XRCC6: variants seen among roughly 807,000 people sequenced by gnomAD.
The protein encoded by XRCC6 is X-ray repair cross complementing 6.
XRCC6 carries 5 observed loss-of-function variants against 65.7 expected under a neutral mutation model. The observed-to-expected ratio is 0.08, with a 90% CI of 0.04 to 0.16. The LOEUF is 0.16. XRCC6 is among the 10% of genes least tolerant of loss of function. The pLI is 1.00. For missense variants in XRCC6, 447 were observed against 738.1 expected (o/e 0.61, Z 4.57); for synonymous variants, 270 against 270.6 (o/e 1.00, Z 0.02).
At chr22:41,661,584 C>G in intron 12 of XRCC6, 140 bp downstream of exon 12, 1 of 689,868 alleles carries the variant, frequency 1.4e-6, no homozygotes, top group South Asian at 2.0e-5. Context: ...CAGACAATAA[C>G]AAATGCTGGC....
At chr22:41,631,206 T>C (rs1174132694) in intron 3 of XRCC6, among the ~76,000 whole-genome samples, 2 of 143,462 alleles carry the variant, frequency 1.4e-5, no homozygotes, top group Non-Finnish European at 3.1e-5. Context: ...CACTTCCCAG[T>C]AGGGGCGGCT....
Position 41,626,780 on chromosome 22 carries a change from GGT to G in XRCC6, c.83-1335_83-1334del, listed in dbSNP as rs1399535342. 2.6e-5 allele frequency among the ~76,000 whole-genome samples: 4 copies of G among 152,026 alleles called. No homozygotes were observed. In the East Asian group the frequency reaches 7.7e-4, roughly 29 times the overall value. ...AGCCTCCCGAGTAGCTGGGACTGCAGGTGTCCACCACCACGCCCAGCTAATTT... is the reference window on the plus strand; with the variant it reads ...AGCCTCCCGAGTAGCTGGGACTGCAGGTCCACCACCACGCCCAGCTAATTT... On this transcript the variant is annotated intron_variant, in intron 2 of 12. Coordinates refer to ENST00000360079, the MANE Select transcript of XRCC6 (RefSeq NM_001469.5).
intron 3 of XRCC6, among the ~76,000 whole-genome samples, chr22:41,631,423 C>G (rs928056349): frequency 6.7e-6 from 1 of 150,250 alleles, no homozygotes; most frequent in Admixed American, 6.6e-5. Context: ...GGGCGGTTGC[C>G]GGGTGGAGGG....
chr22:41,637,460 T>A (rs2067821682), intron 5 of XRCC6, 148 bp from the exon 6 acceptor site: 3 of 701,664 alleles, frequency 4.3e-6, no homozygotes, highest in Non-Finnish European at 6.9e-6. Flanking sequence ...GCAGTTGGTT[T>A]CCTTAGTCAC....
intron 3 of XRCC6, among the ~76,000 whole-genome samples, chr22:41,634,741 C>T (rs902673633): frequency 6.6e-6 from 1 of 151,386 alleles, no homozygotes; most frequent in African/African-American, 2.4e-5. Context: ...GTTGGGGTTT[C>T]ACCATGTTGG....
intron 12 of XRCC6, chr22:41,661,791 C>T (rs2068102320): frequency 5.5e-6 from 1 of 181,564 alleles, no homozygotes; most frequent in Non-Finnish European, 1.1e-5. Flanking sequence ...TATGTGCACT[C>T]CCATGTTTAT....
intron 5 of XRCC6, among the ~76,000 whole-genome samples, chr22:41,637,080 T>A (rs2067818053): frequency 1.3e-4 from 2 of 15,472 alleles, no homozygotes; most frequent in African/African-American, 4.7e-4. Context: ...TTGTCTTGAT[T>A]TTTTTTTTTT....
At chr22:41,656,769 TG>T in intron 9 of XRCC6, 133 bp from the exon 10 acceptor site, 3 of 1,105,204 alleles carry the variant, frequency 2.7e-6, no homozygotes, top group Non-Finnish European at 3.8e-6. Context: ...AACCAGCTGG[TG>T]GAGTTCAAGA....
intron 7 of XRCC6, among the ~76,000 whole-genome samples, chr22:41,649,126 CAAAA>C (rs1335320703): frequency 1.3e-4 from 12 of 90,230 alleles, no homozygotes; most frequent in Admixed American, 6.6e-4. Flanking sequence ...GAAGAGAGTA[CAAAA>C]AAAAAAAAAA....
intron 5 of XRCC6, 123 bp downstream of exon 5, chr22:41,636,893 A>C (rs1228124029): frequency 7.6e-7 from 1 of 1,322,312 alleles, no homozygotes; most frequent in African/African-American, 1.5e-5. Flanking sequence ...GACTATAAGC[A>C]TGTGCTGTTG....
rs58219922 is a variant in XRCC6 at position 41,655,721 on chromosome 22, T to TC, written c.1292-1175dup. ...CTCAAAAAAAAAAAAAATAGTTTTT[T>TC]CCCCCCCTTCTTTTTTTACATAAAT... On this transcript the variant is annotated intron_variant, in intron 9 of 12. Coordinates refer to ENST00000360079, the MANE Select transcript of XRCC6 (RefSeq NM_001469.5). Among the ~76,000 whole-genome samples, 16 of 147,802 alleles carry TC rather than the reference T, an allele frequency of 1.1e-4. 1 individual carries two copies. The highest frequency in any genetic ancestry group is 3.3e-4 in the African/African-American group (13 of 39,618).
chr22:41,636,382 G>T, intron 4 of XRCC6, 131 bp downstream of exon 4: 1 of 1,483,608 alleles, frequency 6.7e-7, no homozygotes, highest in Non-Finnish European at 9.0e-7. Flanking sequence ...AGGGGACCTT[G>T]CTCGATGTGG....
At position 41,630,489 on chromosome 22, in the gene XRCC6, CT is replaced by C. The variant is rs34290865; in HGVS notation, c.195+2274del. Among the ~76,000 whole-genome samples the C allele has an allele frequency of 4.2e-3, 591 of 141,724 alleles. 4 individuals are homozygous for C. The highest frequency in any genetic ancestry group is 8.4e-3 in the African/African-American group (323 of 38,262). The allele number at this position is 141,724 out of a possible 152,430, so 93.0% of individuals were successfully genotyped here. A position where few individuals can be genotyped will look rare whatever the true frequency, so the allele number is the denominator to read the frequency against. On this transcript the variant is annotated intron_variant, in intron 3 of 12. Transcript: ENST00000360079. ...AGCTTAATTAAAAAGATTAGTGTTT[CT>C]TTTTTTTTTTTTTTAATTTATTTTT...
At chr22:41,655,655 C>T (rs529518455) in intron 9 of XRCC6, among the ~76,000 whole-genome samples, 30 of 151,178 alleles carry the variant, frequency 2.0e-4, no homozygotes, top group African/African-American at 6.3e-4. Flanking sequence ...GCTGAGATTG[C>T]GCCACTGCAC....
intron 11 of XRCC6, among the ~76,000 whole-genome samples, chr22:41,660,970 G>A (rs1396026091): frequency 6.6e-6 from 1 of 151,580 alleles, no homozygotes; most frequent in Non-Finnish European, 1.5e-5. Context: ...GGAGTCGGAG[G>A]TTGCAGTGAG....
chr22:41,637,713 A>C lies in XRCC6; in HGVS notation c.695A>C (p.His232Pro), dbSNP rs997675783. ...SIAEDEDLRV[H>P]FEESSKLEDL... is the part of the protein sequence containing the mutation. Reference sequence around the variant, plus strand: ...GCAGAGGATGAGGACCTCAGGGTTCACTTTGAGGAATCCAGCAAGCTAGAA... The same window carrying C: ...GCAGAGGATGAGGACCTCAGGGTTCCCTTTGAGGAATCCAGCAAGCTAGAA... Residue 232 changes from histidine to proline, a missense_variant, in exon 6 of 13, where the codon CAC becomes CCC. Physicochemically the swap from His to Pro is moderately conservative, Grantham distance 77. Transcript: ENST00000360079. 6.2e-7 allele frequency: 1 copy of C among 1,613,994 alleles called. No homozygotes were observed. The highest frequency in any genetic ancestry group is 8.5e-7 in the Non-Finnish European group (1 of 1,179,992).
chr22:41,627,609 C>CAAAAA (rs71184821), intron 2 of XRCC6, among the ~76,000 whole-genome samples: 11 of 97,452 alleles, frequency 1.1e-4, no homozygotes, highest in African/African-American at 3.3e-4. Flanking sequence ...GACTCCGTCT[C>CAAAAA]AAAAAAAAAA....
chr22:41,632,867 G>T (rs977225190), intron 3 of XRCC6, among the ~76,000 whole-genome samples: 1 of 151,328 alleles, frequency 6.6e-6, no homozygotes, highest in South Asian at 2.1e-4. Flanking sequence ...GGTGGCTCAT[G>T]CCTGTAATCC....
intron 3 of XRCC6, among the ~76,000 whole-genome samples, chr22:41,635,660 T>C (rs1018719449): frequency 3.4e-4 from 51 of 152,184 alleles, no homozygotes; most frequent in African/African-American, 1.2e-3. Flanking sequence ...TCACCTCTGC[T>C]TCCCAAGTAA....
Sources: gnomAD v4.1 joint callset for allele counts (sites outside exome capture counted in the v4.1 genomes callset) on GRCh38, gnomAD v4.1.1 for gene constraint, MANE v1.5 for transcripts, NCBI Gene and HGNC (gene_info 2026-07-23, HGNC 2026-07-21) for gene names.